NPAS3: variants seen among roughly 807,000 people sequenced by gnomAD.
NPAS3 encodes neuronal PAS domain protein 3.
In NPAS3, 14 loss-of-function variants were observed where a neutral mutation model predicts 73.1. The ratio of observed to expected loss-of-function variants is 0.19; its 90% CI spans 0.13 to 0.30. The LOEUF is 0.30. NPAS3 is among the 10% of genes least tolerant of loss of function. The pLI, the probability that NPAS3 is intolerant of heterozygous loss-of-function variation, is 1.00. For missense variants in NPAS3, 1,096 were observed against 1,250.0 expected, an observed-to-expected ratio of 0.88 and a Z score of 1.86; for synonymous variants, 620 against 541.5, an observed-to-expected ratio of 1.14 and a Z score of -2.01.
intron 3 of NPAS3, among the ~76,000 whole-genome samples, chr14:33,268,376 T>C (rs973816863): frequency 6.6e-6 from 1 of 152,188 alleles, no homozygotes; most frequent in Non-Finnish European, 1.5e-5. Context: ...TAAATAAAAC[T>C]AATATAGTAA....
At chr14:33,642,921 G>A (rs1452206901) in intron 5 of NPAS3, among the ~76,000 whole-genome samples, 3 of 152,212 alleles carry the variant, frequency 2.0e-5, no homozygotes, top group East Asian at 1.9e-4. Context: ...TGATGCAGAG[G>A]TATCTTGAGT....
intron 2 of NPAS3, among the ~76,000 whole-genome samples, chr14:33,087,420 A>C (rs1595414881): frequency 6.6e-6 from 1 of 151,908 alleles, no homozygotes; most frequent in East Asian, 1.9e-4. Context: ...CAAGTAGGGA[A>C]CAAAAAAATA....
intron 2 of NPAS3, among the ~76,000 whole-genome samples, chr14:33,196,341 A>T (rs2046351212): frequency 6.6e-6 from 1 of 152,222 alleles, no homozygotes; most frequent in South Asian, 2.1e-4. Context: ...ATGAACGGCA[A>T]AGATGGACCT....
chr14:33,644,363 A>C (rs1299780668), intron 5 of NPAS3, among the ~76,000 whole-genome samples: 2 of 152,162 alleles, frequency 1.3e-5, no homozygotes, highest in Non-Finnish European at 2.9e-5. Flanking sequence ...CACTACACAC[A>C]TTTTGAACCC....
intron 5 of NPAS3, among the ~76,000 whole-genome samples, chr14:33,616,438 C>T (rs1364890306): frequency 1.3e-5 from 2 of 152,088 alleles, no homozygotes; most frequent in South Asian, 2.1e-4. Context: ...AATGCCAAGG[C>T]GGGAGGGGAA....
intron 11 of NPAS3, among the ~76,000 whole-genome samples, chr14:33,799,210 G>A (rs1257054429): frequency 6.6e-6 from 1 of 152,074 alleles, no homozygotes; most frequent in Non-Finnish European, 1.5e-5. Context: ...AGTGCTGTGG[G>A]GGAGAATAAC....
chr14:33,372,787 A>G (rs2046147448), intron 4 of NPAS3, among the ~76,000 whole-genome samples: 1 of 152,168 alleles, frequency 6.6e-6, no homozygotes. Context: ...TAGATGAAGA[A>G]TGGGAAGTCA....
chr14:33,757,395 G>A (rs1595561498), intron 7 of NPAS3, among the ~76,000 whole-genome samples: 2 of 152,304 alleles, frequency 1.3e-5, no homozygotes, highest in African/African-American at 4.8e-5. Flanking sequence ...GGGAACTGAG[G>A]CTCATAGAGG....
rs2041714613 is a variant in NPAS3 at position 33,077,786 on chromosome 14, T to TTTTTTTTTTTTTTTTTTTTTTC, written c.140+21795_140+21796insTTTTTTTTTTTTTTTTTTCTTT. 1.3e-5 allele frequency among the ~76,000 whole-genome samples: 2 copies of TTTTTTTTTTTTTTTTTTTTTTC among 149,580 alleles called. 1 individual carries two copies. The highest frequency in any genetic ancestry group is 3.0e-5 in the Non-Finnish European group (2 of 67,414). On this transcript the variant is annotated intron_variant, in intron 2 of 11. Transcript: ENST00000356141. The stretch of plus-strand genomic sequence containing the variant: ...CATTGCAGTAAGGGTTTTTTTTTTT[T>TTTTTTTTTTTTTTTTTTTTTTC]TTTGCCCCTTTTGGCTTCAATTTAT...
Position 33,800,073 on chromosome 14 carries a change from C to T in NPAS3, c.1766C>T (p.Ala589Val), listed in dbSNP as rs770665316. ...AAGGACTCGGACAGCGCAGGCGAGG[C>T]GGGCGCGCAGGCCTCCAGCAAGCAC... Residue 589 changes from alanine to valine, a missense_variant, in exon 12 of 12, where the codon GCG becomes GTG. Transcript: ENST00000356141. The surrounding 1 kb of genome is among the most constrained non-coding windows in gnomAD (Gnocchi z 6.5). 5 of 1,599,196 alleles carry T rather than the reference C, an allele frequency of 3.1e-6. No homozygotes were observed. Among genetic ancestry groups the T allele is most frequent in the Middle Eastern group, 1.7e-4 (1 of 6,052 alleles).
intron 6 of NPAS3, among the ~76,000 whole-genome samples, chr14:33,684,127 C>G (rs1226145428): frequency 6.6e-6 from 1 of 151,924 alleles, no homozygotes; most frequent in African/African-American, 2.4e-5. Context: ...TAGATAGGTC[C>G]CTGGTAGGAA....
At chr14:33,319,812 T>C (rs1459615757) in intron 3 of NPAS3, among the ~76,000 whole-genome samples, 1 of 152,162 alleles carries the variant, frequency 6.6e-6, no homozygotes, top group East Asian at 1.9e-4. Context: ...ACTTGTCACA[T>C]TGACTTATCA....
chr14:33,314,201 G>T (rs1387691668), intron 3 of NPAS3, among the ~76,000 whole-genome samples: 1 of 151,876 alleles, frequency 6.6e-6, no homozygotes, highest in Non-Finnish European at 1.5e-5. Context: ...TATTAACTTG[G>T]TAACAATTAG....
At chr14:33,697,603 C>G (rs2060418871) in intron 6 of NPAS3, among the ~76,000 whole-genome samples, 1 of 152,180 alleles carries the variant, frequency 6.6e-6, no homozygotes, top group Non-Finnish European at 1.5e-5. Context: ...CAGATTGAAC[C>G]TTTAATCAAT....
intron 5 of NPAS3, among the ~76,000 whole-genome samples, chr14:33,613,830 C>G (rs1018223451): frequency 2.0e-5 from 3 of 152,202 alleles, no homozygotes; most frequent in Admixed American, 6.5e-5. Flanking sequence ...TCACAAGTCT[C>G]TCTTATGAAG....
At chr14:33,544,820 A>ATTTT (rs11377851) in intron 4 of NPAS3, among the ~76,000 whole-genome samples, 15 of 98,542 alleles carry the variant, frequency 1.5e-4, no homozygotes, top group Non-Finnish European at 2.2e-4. Flanking sequence ...ATGTATATAT[A>ATTTT]ATATATATGT....
intron 3 of NPAS3, among the ~76,000 whole-genome samples, chr14:33,292,001 T>G (rs904075600): frequency 1.3e-5 from 2 of 152,196 alleles, no homozygotes; most frequent in Admixed American, 6.5e-5. Context: ...CGGTCTAATT[T>G]CTTTGATAAA....
intron 6 of NPAS3, among the ~76,000 whole-genome samples, chr14:33,687,229 T>A (rs1488625336): frequency 6.6e-6 from 1 of 152,182 alleles, no homozygotes; most frequent in East Asian, 1.9e-4. Context: ...CTTTTTTTAA[T>A]CAATTGGTAA....
intron 2 of NPAS3, among the ~76,000 whole-genome samples, chr14:33,136,131 G>A (rs1188207277): frequency 2.0e-5 from 3 of 149,164 alleles, no homozygotes; most frequent in African/African-American, 7.4e-5. Context: ...CGCGATCTTG[G>A]CTCACTGCAA....
Sources: gnomAD v4.1 joint callset for allele counts (sites outside exome capture counted in the v4.1 genomes callset) on GRCh38, gnomAD v4.1.1 for gene constraint, Gnocchi (gnomAD v3.1) non-coding constraint, MANE v1.5 for transcripts, NCBI Gene and HGNC (gene_info 2026-07-23, HGNC 2026-07-21) for gene names.